The following UTRN variants were observed in gnomAD, a reference collection of about 807,000 sequenced individuals.
UTRN encodes the protein dystrophin-related protein 1.
A neutral mutation model predicts 463.9 loss-of-function variants in UTRN; 283 were observed. The ratio of observed to expected loss-of-function variants is 0.61; its 90% CI spans 0.55 to 0.67. UTRN has a LOEUF of 0.67. Ranked by LOEUF, UTRN falls within the 30% of genes least tolerant of loss-of-function variation. The pLI, the probability that UTRN is intolerant of heterozygous loss-of-function variation, is 0.00. For synonymous variants in UTRN, 1,442 were observed against 1,431.5 expected (o/e 1.01, Z -0.17); for missense variants, 3,922 against 4,084.3 (o/e 0.96, Z 1.08).
chr6:144,444,404 G>T (rs1407612996), intron 14 of UTRN, 22 bp downstream of exon 14: 2 of 1,573,492 alleles, frequency 1.3e-6, no homozygotes, highest in Non-Finnish European at 8.7e-7. Context: ...TTTTCCATAA[G>T]GGGCAAAATA....
intron 52 of UTRN, among the ~76,000 whole-genome samples, chr6:144,687,462 A>G (rs534204510): frequency 6.6e-6 from 1 of 152,320 alleles, no homozygotes; most frequent in South Asian, 2.1e-4. Context: ...AAGACAAAGA[A>G]GGTTATTATA....
At chr6:144,528,644 A>T (rs1796769475) in intron 41 of UTRN, among the ~76,000 whole-genome samples, 1 of 152,162 alleles carries the variant, frequency 6.6e-6, no homozygotes, top group Admixed American at 6.5e-5. Flanking sequence ...CTGTGATGTG[A>T]TGTGATCTGT....
intron 60 of UTRN, among the ~76,000 whole-genome samples, chr6:144,774,792 T>G (rs1775168182): frequency 6.6e-6 from 1 of 152,212 alleles, no homozygotes; most frequent in Admixed American, 6.5e-5. Flanking sequence ...AACTGGCACC[T>G]TAACAAGTGA....
rs78710389 is a variant in UTRN, at chr6:144,576,196, G to C, written c.7290-903G>C. ...TTGATTCTACTAGTTGGCCATTATA[G>C]ATAATGCTGCTACAAACATTTGTGT... On this transcript the variant is annotated intron_variant, in intron 50 of 74. Coordinates refer to ENST00000367545, the MANE Select transcript of UTRN (RefSeq NM_007124.3). Among the ~76,000 whole-genome samples the C allele has an allele frequency of 2.5e-3, 373 of 152,188 alleles. 2 individuals are homozygous for C. The highest frequency in any genetic ancestry group is 8.3e-3 in the African/African-American group (344 of 41,520).
chr6:144,654,431 C>T (rs1779128528), intron 51 of UTRN, among the ~76,000 whole-genome samples: 1 of 152,134 alleles, frequency 6.6e-6, no homozygotes, highest in Non-Finnish European at 1.5e-5. Flanking sequence ...GTAACAATGC[C>T]CTCCTGGGGA....
intron 64 of UTRN, chr6:144,799,436 G>A (rs574696013): frequency 1.5e-5 from 7 of 471,652 alleles, no homozygotes; most frequent in African/African-American, 1.2e-4. Context: ...ATGACTTCCA[G>A]TGGAAGTCAA....
At position 144,473,635 on chromosome 6, in the gene UTRN, C is replaced by A; in HGVS notation, c.3067-85C>A. ...ATGCTATCGGAGCTTTAAAAAGTTC[C>A]TTTGTTCCAGTGGCGGTAGATCTTG... On this transcript the variant is annotated intron_variant, in intron 23 of 74. Coordinates refer to ENST00000367545, the MANE Select transcript of UTRN (RefSeq NM_007124.3). The A allele has an allele frequency of 6.1e-6, 6 of 978,746 alleles. No homozygotes were observed. In the South Asian group the frequency reaches 7.5e-5, roughly 12 times the overall value. The allele number at this position is 978,746 out of a possible 1,614,324, so 60.6% of individuals were successfully genotyped here.
At chr6:144,507,533 T>A (rs1012463297) in intron 34 of UTRN, among the ~76,000 whole-genome samples, 1 of 152,150 alleles carries the variant, frequency 6.6e-6, no homozygotes, top group African/African-American at 2.4e-5. Context: ...CTGCTGCAGG[T>A]CTGCTGGAGT....
chr6:144,471,293 A>G (rs995766349), intron 23 of UTRN, among the ~76,000 whole-genome samples: 1 of 152,164 alleles, frequency 6.6e-6, no homozygotes, highest in Admixed American at 6.5e-5. Context: ...AGTTAAGGCC[A>G]CTTACTCAAG....
intron 2 of UTRN, among the ~76,000 whole-genome samples, chr6:144,297,167 G>T (rs1439143819): frequency 6.6e-6 from 1 of 151,972 alleles, no homozygotes; most frequent in Non-Finnish European, 1.5e-5. Flanking sequence ...GCCCAGATAG[G>T]TATCTGTGGT....
chr6:144,508,963 C>T (rs1398190038), intron 34 of UTRN, among the ~76,000 whole-genome samples: 1 of 152,092 alleles, frequency 6.6e-6, no homozygotes, highest in African/African-American at 2.4e-5. Context: ...AATGTTTAGC[C>T]ATGTTTTATA....
At chr6:144,557,946 A>G (rs1799536892) in intron 50 of UTRN, among the ~76,000 whole-genome samples, 1 of 152,198 alleles carries the variant, frequency 6.6e-6, no homozygotes, top group Non-Finnish European at 1.5e-5. Context: ...TCTCTTTAAG[A>G]CTGCATATTT....
chr6:144,484,673 C>T (rs1193084513), intron 27 of UTRN, among the ~76,000 whole-genome samples: 2 of 151,764 alleles, frequency 1.3e-5, no homozygotes, highest in African/African-American at 4.8e-5. Flanking sequence ...GAACTCCTGA[C>T]CTCATGTGAT....
chr6:144,557,279 C>A lies in UTRN; in HGVS notation c.7257C>A (p.Tyr2419Ter). 6 of 1,613,612 alleles carry A rather than the reference C, an allele frequency of 3.7e-6. No individual in the cohort carries two copies. Among genetic ancestry groups the A allele is most frequent in the Non-Finnish European group, 5.1e-6 (6 of 1,179,720 alleles). Residue 2419 changes from tyrosine (Y) to a stop codon, truncating the protein, a stop_gained, in exon 50 of 75, where the codon TAC (tyrosine) becomes TAA (stop). Transcript: ENST00000367545. LOFTEE classifies it high-confidence loss of function. ...GGAATGTGAAAGAAACCACAGAGTA[C>A]TTAAAAACATCATGGATCAATCTCA... ...DTRNVKETTEYLKTSWINLKQ... is the reference protein window; with the variant it reads ...DTRNVKETTE
intron 51 of UTRN, among the ~76,000 whole-genome samples, chr6:144,646,887 G>C (rs1482275691): frequency 6.6e-6 from 1 of 152,124 alleles, no homozygotes; most frequent in Non-Finnish European, 1.5e-5. Context: ...CTATTTACAT[G>C]TGAGACCCAA....
In UTRN at chr6:144,539,318, C is replaced by T. The variant is rs768500117; in HGVS notation, c.6394C>T (p.His2132Tyr). 4 of 1,611,998 alleles carry T rather than the reference C, an allele frequency of 2.5e-6. No homozygotes were observed. The highest frequency in any genetic ancestry group is 1.1e-5 in the South Asian group (1 of 90,624). ...GGACTTAACTCAAGAAATGGAAGTA[C>T]ATGCTGAAAAACTCAAATGGCTGAA... The part of the protein sequence containing the change: ...LRDLTQEMEV[H>Y]AEKLKWLNRT... The change falls in exon 45 of 75, where the codon CAT becomes TAT. Residue 2132 changes from histidine (H) to tyrosine (Y), a missense_variant. Physicochemically the swap from His to Tyr is moderately conservative, Grantham distance 83. Coordinates refer to ENST00000367545, the MANE Select transcript of UTRN (RefSeq NM_007124.3).
At chr6:144,293,145 A>G (rs534764384) in intron 2 of UTRN, among the ~76,000 whole-genome samples, 44 of 152,314 alleles carry the variant, frequency 2.9e-4, no homozygotes, top group Admixed American at 2.7e-3. Flanking sequence ...GTAAGGGATT[A>G]TTAATATCAT....
intron 50 of UTRN, among the ~76,000 whole-genome samples, chr6:144,559,752 T>C (rs772331550): frequency 7.9e-5 from 12 of 152,100 alleles, no homozygotes; most frequent in Non-Finnish European, 1.5e-4. Flanking sequence ...TACTGTATGG[T>C]TGTGCTTTAT....
chr6:144,689,078 A>G (rs1783051526), intron 52 of UTRN, among the ~76,000 whole-genome samples: 1 of 152,186 alleles, frequency 6.6e-6, no homozygotes, highest in Non-Finnish European at 1.5e-5. Flanking sequence ...GGCTATTCAG[A>G]TGACACAGAT....
Sources: gnomAD v4.1 joint callset for allele counts (sites outside exome capture counted in the v4.1 genomes callset) on GRCh38, gnomAD v4.1.1 for gene constraint, MANE v1.5 for transcripts, NCBI Gene and HGNC (gene_info 2026-07-23, HGNC 2026-07-21) for gene names.